SIRPA: variants seen among roughly 807,000 people sequenced by gnomAD.
SIRPA encodes tyrosine-protein phosphatase non-receptor type substrate 1.
In SIRPA, 9 loss-of-function variants were observed where a neutral mutation model predicts 50.3. That is an observed-to-expected ratio of 0.18 (90% CI 0.11 to 0.31). SIRPA has a LOEUF of 0.31. Ranked by LOEUF, SIRPA falls within the 10% of genes least tolerant of loss-of-function variation. The pLI is 1.00. For synonymous variants in SIRPA, 265 were observed against 284.1 expected, an observed-to-expected ratio of 0.93 and a Z score of 0.68; for missense variants, 474 against 661.6, an observed-to-expected ratio of 0.72 and a Z score of 3.11.
intron 1 of SIRPA, among the ~76,000 whole-genome samples, chr20:1,904,035 G>A (rs906850973): frequency 6.6e-6 from 1 of 152,102 alleles, no homozygotes; most frequent in Non-Finnish European, 1.5e-5. Context: ...AGAACAAGGT[G>A]GGTACTAAAA....
rs1244538065 is a variant in SIRPA at position 1,922,656 on chromosome 20, T to C, written c.1087+11T>C. ...CAAATACCGCCGCTGGTGAGGCCTC[T>C]ATTTCAGCTGACCCAGCTTTTTTAA... On this transcript the variant is annotated intron_variant, in intron 4 of 7. Transcript: ENST00000358771. 6.2e-7 allele frequency: 1 copy of C among 1,602,868 alleles called. No homozygotes were observed. The highest frequency in any genetic ancestry group is 8.5e-7 in the Non-Finnish European group (1 of 1,174,680).
At position 1,936,576 on chromosome 20, in the gene SIRPA, C is replaced by T. The variant is rs902851528; in HGVS notation, c.1267-744C>T. 2.0e-5 allele frequency among the ~76,000 whole-genome samples: 3 copies of T among 152,150 alleles called. No individual in the cohort carries two copies. Among genetic ancestry groups the T allele is most frequent in the Non-Finnish European group, 4.4e-5 (3 of 68,036 alleles). On this transcript the variant is annotated intron_variant, in intron 7 of 7. Coordinates refer to ENST00000358771, the MANE Select transcript of SIRPA (RefSeq NM_001040023.2). This position sits in a 1 kb window ranked among gnomAD's most constrained non-coding sequence, Gnocchi z 4.2. ...ACTGGCGATCTCGTTCTTATACTGC[C>T]CCTGTTCTCTGTCTCCCTGTCCCCA...
In SIRPA at chr20:1,934,326, A is replaced by G. The variant is rs1385442911; in HGVS notation, c.1227-389A>G. Among the ~76,000 whole-genome samples the G allele has an allele frequency of 1.3e-5, 2 of 152,212 alleles. No homozygotes were observed. Among genetic ancestry groups the G allele is most frequent in the South Asian group, 2.1e-4 (1 of 4,832 alleles). ...AATTCCCCCAAAAAAAAGTGCAATTATGAGTCAAAGGATGAGGACATCTTC... is the reference window on the plus strand; with the variant it reads ...AATTCCCCCAAAAAAAAGTGCAATTGTGAGTCAAAGGATGAGGACATCTTC... On this transcript the variant is annotated intron_variant, in intron 6 of 7. Coordinates refer to ENST00000358771, the MANE Select transcript of SIRPA (RefSeq NM_001040023.2). The surrounding 1 kb of genome is among the most constrained non-coding windows in gnomAD (Gnocchi z 4.6).
At chr20:1,903,468 C>T (rs1457248365) in intron 1 of SIRPA, among the ~76,000 whole-genome samples, 2 of 152,186 alleles carry the variant, frequency 1.3e-5, no homozygotes, top group East Asian at 1.9e-4. Context: ...CTGCTTTCCG[C>T]AGCCGTCCTT....
intron 2 of SIRPA, among the ~76,000 whole-genome samples, chr20:1,920,866 C>T (rs760169988): frequency 1.1e-4 from 16 of 152,242 alleles, no homozygotes; most frequent in Non-Finnish European, 1.9e-4. Context: ...ATCCTCGCTG[C>T]ATCCCAGAAA....
Position 1,927,814 on chromosome 20 carries a change from G to A in SIRPA, c.1202-61G>A. The A allele has an allele frequency of 2.6e-6, 4 of 1,543,268 alleles. No individual in the cohort carries two copies. The highest frequency in any genetic ancestry group is 2.2e-5 in the South Asian group (2 of 89,634). On this transcript the variant is annotated intron_variant, in intron 5 of 7. Transcript: ENST00000358771. This position sits in a 1 kb window ranked among gnomAD's most constrained non-coding sequence, Gnocchi z 6.5. ...GAGGCAAACCTTTTGCCAAAAAATA[G>A]TTACATAAGAAAAGTGTGCTTCTAG...
At chr20:1,903,635 C>T (rs960480618) in intron 1 of SIRPA, among the ~76,000 whole-genome samples, 1 of 152,198 alleles carries the variant, frequency 6.6e-6, no homozygotes, top group Non-Finnish European at 1.5e-5. Context: ...GGGCTTCAGC[C>T]TTGGCAGCGT....
At position 1,936,477 on chromosome 20, in the gene SIRPA, T is replaced by C. The variant is rs1054522358; in HGVS notation, c.1267-843T>C. ...TGAGGCCCAGAGAGGTTAAGTGAATTGCTCAAAATCCCTGAGCTAGAACCA... is the reference window on the plus strand; with the variant it reads ...TGAGGCCCAGAGAGGTTAAGTGAATCGCTCAAAATCCCTGAGCTAGAACCA... On this transcript the variant is annotated intron_variant, in intron 7 of 7. Coordinates refer to ENST00000358771, the MANE Select transcript of SIRPA (RefSeq NM_001040023.2). The surrounding 1 kb of genome is among the most constrained non-coding windows in gnomAD (Gnocchi z 4.2). Among the ~76,000 whole-genome samples the C allele has an allele frequency of 1.3e-5, 2 of 152,274 alleles. No homozygotes were observed. The highest frequency in any genetic ancestry group is 3.9e-4 in the East Asian group (2 of 5,184).
At chr20:1,929,063 C>A in intron 6 of SIRPA, among the ~76,000 whole-genome samples, 1 of 152,130 alleles carries the variant, frequency 6.6e-6, no homozygotes, top group East Asian at 1.9e-4. Context: ...TAGTGCCAAT[C>A]TTTTGATGGT....
chr20:1,902,960 C>T (rs1296533755), intron 1 of SIRPA, among the ~76,000 whole-genome samples: 6 of 138,100 alleles, frequency 4.3e-5, no homozygotes, highest in African/African-American at 8.4e-5. Context: ...TGCAGTGAGC[C>T]GAGATTGCAC....
intron 1 of SIRPA, among the ~76,000 whole-genome samples, chr20:1,909,611 A>C (rs527582639): frequency 1.3e-5 from 2 of 152,192 alleles, no homozygotes; most frequent in African/African-American, 2.4e-5. Context: ...GTGAAACTCC[A>C]TCTCTACTAA....
chr20:1,914,175 T>C (rs974634631), intron 1 of SIRPA, among the ~76,000 whole-genome samples: 13 of 152,348 alleles, frequency 8.5e-5, no homozygotes, highest in African/African-American at 3.1e-4. Flanking sequence ...GTGACTTCTA[T>C]GTGTGATCTC....
At chr20:1,921,933 G>T (rs900093230) in intron 3 of SIRPA, among the ~76,000 whole-genome samples, 122 of 152,236 alleles carry the variant, frequency 8.0e-4, no homozygotes, top group Middle Eastern at 3.4e-3. Context: ...CAAGGACTGT[G>T]CTAGCCGTTT....
In SIRPA at chr20:1,915,107, G is replaced by A; in HGVS notation, c.88G>A (p.Gly30Ser). ...TTTGTGCTCCTTTCCAGGAGTGGCGGGTGAGGAGGAGCTGCAGGTGATTCA... is the reference window on the plus strand; with the variant it reads ...TTTGTGCTCCTTTCCAGGAGTGGCGAGTGAGGAGGAGCTGCAGGTGATTCA... The part of the protein sequence containing the change: ...AASCAWSGVA[G>S]EEELQVIQPD... Residue 30 changes from glycine (G) to serine (S), a missense_variant, in exon 2 of 8, where the codon GGT (glycine) becomes AGT (serine). Gly to Ser is a moderately conservative substitution (Grantham distance 56). Coordinates refer to ENST00000358771, the MANE Select transcript of SIRPA (RefSeq NM_001040023.2). The A allele has an allele frequency of 6.3e-7, 1 of 1,597,796 alleles. No individual in the cohort carries two copies. Among genetic ancestry groups the A allele is most frequent in the Non-Finnish European group, 8.5e-7 (1 of 1,169,668 alleles).
chr20:1,938,195 G>C lies in SIRPA; in HGVS notation c.*627G>C, dbSNP rs1986707676. 6.5e-6 allele frequency: 1 copy of C among 153,392 alleles called. No individual in the cohort carries two copies. The highest frequency in any genetic ancestry group is 1.5e-5 in the Non-Finnish European group (1 of 68,686). 9.5% of individuals were successfully genotyped at this position (153,392 alleles called of 1,614,324 possible). A position where few individuals can be genotyped will look rare whatever the true frequency, so the allele number is the denominator to read the frequency against. On this transcript the variant is annotated 3_prime_UTR_variant, in exon 8 of 8. Transcript: ENST00000358771. ...AGCCATGAGTCCTGGAGGAGGAGAG[G>C]ACCCCTCCCAAAGGACTGGAGACAA...
In SIRPA at chr20:1,908,019, A is replaced by G. The variant is rs138186370; in HGVS notation, c.80-7080A>G. On this transcript the variant is annotated intron_variant, in intron 1 of 7. Transcript: ENST00000358771. Reference sequence around the variant, plus strand: ...GACAGCTGTGCCCTGTGGCCAGCACATAGTAAGTAGGTGCTCTGGAAAGGT... The same window carrying G: ...GACAGCTGTGCCCTGTGGCCAGCACGTAGTAAGTAGGTGCTCTGGAAAGGT... Among the ~76,000 whole-genome samples the G allele has an allele frequency of 3.3e-3, 509 of 152,294 alleles. 3 individuals carry two copies. Among genetic ancestry groups the G allele is most frequent in the Non-Finnish European group, 5.8e-3 (396 of 68,014 alleles).
At position 1,903,011 on chromosome 20, in the gene SIRPA, CAAA is replaced by C. The variant is rs58735842; in HGVS notation, c.79+7504_79+7506del. On this transcript the variant is annotated intron_variant, in intron 1 of 7. Transcript: ENST00000358771. ...TGGGTGACAGAGCAAGACTCTGTCT[CAAA>C]AAAAAAAAAAAAAAAAAAGAAAAGA... Among the ~76,000 whole-genome samples, 170 of 90,866 alleles carry C rather than the reference CAAA, an allele frequency of 1.9e-3. 1 individual carries two copies. Among genetic ancestry groups the C allele is most frequent in the South Asian group, 8.1e-3 (20 of 2,472 alleles). 59.6% of individuals were successfully genotyped at this position (90,866 alleles called of 152,430 possible).
upstream of SIRPA, among the ~76,000 whole-genome samples, chr20:1,895,013 T>TA (rs1983681419): frequency 6.7e-6 from 1 of 148,170 alleles, no homozygotes; most frequent in Non-Finnish European, 1.5e-5. Context: ...TCGGCCGTGC[T>TA]GCCCCTCGCC....
In SIRPA at chr20:1,937,576, C is replaced by T. The variant is rs769062665; in HGVS notation, c.*8C>T. On this transcript the variant is annotated 3_prime_UTR_variant, in exon 8 of 8. Transcript: ENST00000358771. The surrounding 1 kb of genome is among the most constrained non-coding windows in gnomAD (Gnocchi z 8.3). ...CAGGTCCCGAGGAAGTGAATGGGAC[C>T]GTGGTTTGCTCTAGCACCCATCTCT... 7 of 1,613,802 alleles carry T rather than the reference C, an allele frequency of 4.3e-6. No homozygotes were observed. Among genetic ancestry groups the T allele is most frequent in the South Asian group, 1.1e-5 (1 of 91,044 alleles).
Sources: gnomAD v4.1 joint callset for allele counts (sites outside exome capture counted in the v4.1 genomes callset) on GRCh38, gnomAD v4.1.1 for gene constraint, Gnocchi (gnomAD v3.1) non-coding constraint, MANE v1.5 for transcripts, NCBI Gene and HGNC (gene_info 2026-07-23, HGNC 2026-07-21) for gene names.